The following LRRC4C variants were observed in gnomAD, a reference collection of about 807,000 sequenced individuals.
LRRC4C encodes the protein leucine rich repeat containing 4C.
A neutral mutation model predicts 33.6 loss-of-function variants in LRRC4C; 5 were observed. The observed-to-expected ratio is 0.15, with a 90% confidence interval of 0.08 to 0.31. The LOEUF (loss-of-function observed/expected upper bound fraction) is 0.31. LRRC4C is among the 10% of genes least tolerant of loss of function. The pLI is 1.00. For synonymous variants in LRRC4C, 329 were observed against 302.0 expected (o/e 1.09, Z -0.93); for missense variants, 560 against 796.7 (o/e 0.70, Z 3.58).
intron 5 of LRRC4C, among the ~76,000 whole-genome samples, chr11:40,206,985 A>G (rs10768587): frequency 0.53 from 81,053 of 151,740 alleles, 21,823 homozygotes; most frequent in East Asian, 0.62. Context: ...AACAAACACA[A>G]CCCTAGACAG....
chr11:40,733,221 G>T (rs570169521), intron 2 of LRRC4C, among the ~76,000 whole-genome samples: 38 of 151,274 alleles, frequency 2.5e-4, no homozygotes, highest in Admixed American at 1.6e-3. Context: ...GACAACAGGC[G>T]CCTGCCACCA....
At chr11:40,641,582 G>A (rs906428349) in intron 3 of LRRC4C, among the ~76,000 whole-genome samples, 1 of 152,180 alleles carries the variant, frequency 6.6e-6, no homozygotes, top group Non-Finnish European at 1.5e-5. Context: ...AAGTTGATGC[G>A]AAGAGTTTAT....
intron 1 of LRRC4C, among the ~76,000 whole-genome samples, chr11:41,198,925 A>C (rs1436538869): frequency 6.6e-6 from 1 of 152,068 alleles, no homozygotes; most frequent in Admixed American, 6.6e-5. Context: ...CGGGTGTTTT[A>C]TTTATTTTAT....
intron 1 of LRRC4C, among the ~76,000 whole-genome samples, chr11:41,326,793 A>C (rs534880069): frequency 4.6e-5 from 7 of 152,130 alleles, no homozygotes; most frequent in African/African-American, 1.7e-4. Context: ...ATAAATTTCT[A>C]TTGTATGTGT....
At chr11:40,786,913 C>G (rs1464509605) in intron 2 of LRRC4C, among the ~76,000 whole-genome samples, 1 of 151,964 alleles carries the variant, frequency 6.6e-6, no homozygotes, top group Non-Finnish European at 1.5e-5. Flanking sequence ...AACTGGCGCA[C>G]TCACTATGTA....
intron 2 of LRRC4C, among the ~76,000 whole-genome samples, chr11:40,877,114 G>A (rs781749007): frequency 2.2e-5 from 3 of 137,488 alleles, no homozygotes; most frequent in Non-Finnish European, 4.8e-5. Flanking sequence ...GTAAAACGTT[G>A]TTAAGTTCAG....
intron 2 of LRRC4C, among the ~76,000 whole-genome samples, chr11:40,723,501 G>C (rs1333256617): frequency 1.3e-5 from 2 of 152,082 alleles, no homozygotes; most frequent in African/African-American, 4.8e-5. Context: ...TTTATATCCT[G>C]ACAAACGAAG....
chr11:41,098,624 G>T (rs764813880), intron 1 of LRRC4C, among the ~76,000 whole-genome samples: 1 of 152,112 alleles, frequency 6.6e-6, no homozygotes, highest in Non-Finnish European at 1.5e-5. Flanking sequence ...TTAAATCTTT[G>T]CTTGTACCTT....
intron 1 of LRRC4C, among the ~76,000 whole-genome samples, chr11:41,148,313 C>A (rs888411123): frequency 6.6e-6 from 1 of 152,072 alleles, no homozygotes; most frequent in African/African-American, 2.4e-5. Flanking sequence ...AATTCTTGAG[C>A]CCTAGTGGTT....
chr11:40,790,281 A>T (rs1197123742), intron 2 of LRRC4C, among the ~76,000 whole-genome samples: 1 of 151,998 alleles, frequency 6.6e-6, no homozygotes, highest in Non-Finnish European at 1.5e-5. Context: ...AGATGATTTT[A>T]TTTTTTCTAG....
chr11:41,043,027 G>C (rs1857535893), intron 1 of LRRC4C, among the ~76,000 whole-genome samples: 1 of 123,758 alleles, frequency 8.1e-6, no homozygotes, highest in Non-Finnish European at 1.7e-5. Flanking sequence ...TTTGCTTTAT[G>C]CAAGTCTCAT....
intron 3 of LRRC4C, among the ~76,000 whole-genome samples, chr11:40,449,661 G>T (rs1006555964): frequency 6.6e-6 from 1 of 152,044 alleles, no homozygotes; most frequent in Non-Finnish European, 1.5e-5. Context: ...TTCCATGAAC[G>T]CATACCCCAC....
At chr11:41,079,567 A>G (rs1240551967) in intron 1 of LRRC4C, among the ~76,000 whole-genome samples, 1 of 152,178 alleles carries the variant, frequency 6.6e-6, no homozygotes, top group Non-Finnish European at 1.5e-5. Flanking sequence ...TCGTAAGTTC[A>G]GAGAAAAGAC....
At chr11:40,688,288 A>C (rs1413840493) in intron 2 of LRRC4C, among the ~76,000 whole-genome samples, 1 of 152,136 alleles carries the variant, frequency 6.6e-6, no homozygotes, top group Non-Finnish European at 1.5e-5. Flanking sequence ...TGATTTCAAC[A>C]GGACTGTTTC....
intron 3 of LRRC4C, among the ~76,000 whole-genome samples, chr11:40,444,368 T>A (rs558161127): frequency 1.0e-3 from 155 of 150,186 alleles, no homozygotes; most frequent in African/African-American, 3.4e-3. Context: ...CTTTTTTTTT[T>A]AAATTTATTT....
chr11:40,836,509 C>T (rs968635808), intron 2 of LRRC4C, among the ~76,000 whole-genome samples: 1 of 152,106 alleles, frequency 6.6e-6, no homozygotes, highest in Non-Finnish European at 1.5e-5. Flanking sequence ...GATTGAAAAT[C>T]ACTCTTTTAT....
intron 2 of LRRC4C, among the ~76,000 whole-genome samples, chr11:40,769,129 G>A (rs1301297283): frequency 2.0e-5 from 3 of 151,992 alleles, no homozygotes; most frequent in Admixed American, 2.0e-4. Flanking sequence ...ATAATTCAGT[G>A]AAGTTGCAGG....
At chr11:40,524,490 T>A (rs931708212) in intron 3 of LRRC4C, among the ~76,000 whole-genome samples, 3 of 152,276 alleles carry the variant, frequency 2.0e-5, no homozygotes, top group African/African-American at 7.2e-5. Context: ...AATTGCTAAA[T>A]AATTGTTATT....
chr11:41,279,417 CACACACA>C (rs1949590736), intron 1 of LRRC4C, among the ~76,000 whole-genome samples: 1 of 146,004 alleles, frequency 6.8e-6, no homozygotes, highest in Non-Finnish European at 1.5e-5. Flanking sequence ...CACACACACA[CACACACA>C]CACACCGTGG....
Sources: gnomAD v4.1 joint callset for allele counts (sites outside exome capture counted in the v4.1 genomes callset) on GRCh38, gnomAD v4.1.1 for gene constraint, MANE v1.5 for transcripts, NCBI Gene and HGNC (gene_info 2026-07-23, HGNC 2026-07-21) for gene names.